IGF2R: variants seen among roughly 807,000 people sequenced by gnomAD.
IGF2R encodes the protein insulin like growth factor 2 receptor, also known as cation-independent mannose-6-phosphate receptor.
IGF2R carries 91 observed loss-of-function variants against 270.6 expected under a neutral mutation model. That is an observed-to-expected ratio of 0.34 (90% CI 0.28 to 0.40). The LOEUF is 0.40. Ranked by LOEUF, IGF2R falls within the 10% of genes least tolerant of loss-of-function variation. The pLI is 1.00. For missense variants in IGF2R, 2,805 were observed against 3,188.3 expected (o/e 0.88, Z 2.90); for synonymous variants, 1,316 against 1,258.9 (o/e 1.05, Z -0.96).
In IGF2R at chr6:160,064,488, G is replaced by A. The variant is rs751103307; in HGVS notation, c.3974G>A (p.Arg1325His). The stretch of plus-strand genomic sequence containing the variant: ...GACACTTGCCATAAGGTTTATCAGC[G>A]CTCCACAGCCATCTTCTTCTACTGT... ...GGDTCHKVYQ[R>H]STAIFFYCDR... Residue 1325 changes from arginine (R) to histidine (H), a missense_variant, in exon 28 of 48, where the codon CGC becomes CAC. By Grantham distance (29) the Arg-to-His change is conservative. Transcript: ENST00000356956. 2.4e-5 allele frequency: 38 copies of A among 1,613,972 alleles called. 1 individual carries two copies. Among genetic ancestry groups the A allele is most frequent in the South Asian group, 1.6e-4 (15 of 91,080 alleles).
intron 44 of IGF2R, among the ~76,000 whole-genome samples, chr6:160,091,071 C>T (rs1318525999): frequency 4.6e-5 from 5 of 108,478 alleles, no homozygotes; most frequent in Admixed American, 1.1e-4. Flanking sequence ...TGCCCTGGTG[C>T]GGCTGAGAAG....
intron 42 of IGF2R, 71 bp downstream of exon 42, chr6:160,088,218 T>C (rs948722571): frequency 4.6e-5 from 47 of 1,032,728 alleles, no homozygotes; most frequent in Non-Finnish European, 7.2e-5. Flanking sequence ...CTTGGGGTTT[T>C]CATGGGCAGG....
intron 4 of IGF2R, among the ~76,000 whole-genome samples, chr6:160,021,439 G>C (rs1777431717): frequency 8.8e-6 from 1 of 114,084 alleles, no homozygotes; most frequent in Admixed American, 1.2e-4. Flanking sequence ...ACCTGGGACT[G>C]TTGTGGGGTG....
intron 29 of IGF2R, among the ~76,000 whole-genome samples, chr6:160,066,261 C>T (rs752223744): frequency 3.3e-4 from 50 of 151,952 alleles, no homozygotes; most frequent in Non-Finnish European, 6.3e-4. Flanking sequence ...GTGATTCGCC[C>T]GCCTTGGCCT....
chr6:160,090,484 AT>A (rs1779195943), intron 44 of IGF2R: 1 of 155,158 alleles, frequency 6.4e-6, no homozygotes, highest in African/African-American at 2.4e-5. Context: ...GAGATTTTAT[AT>A]TTGTAAGAAG....
rs147546122 is a variant in IGF2R at position 160,079,563 on chromosome 6, G to T, written c.5479-17G>T. The T allele has an allele frequency of 1.5e-3, 2,076 of 1,410,196 alleles. 32 individuals carry two copies. In the African/African-American group the frequency reaches 0.027, roughly 19 times the overall value. The allele number at this position is 1,410,196 out of a possible 1,614,324, so 87.4% of individuals were successfully genotyped here. ...GTGCTGCCACTCTGCTGACGGCCAC[G>T]CATGGTTTTTGTCCAGGTGACTCGC... On this transcript the variant is annotated splice_polypyrimidine_tract_variant and intron_variant, in intron 37 of 47. Coordinates refer to ENST00000356956, the MANE Select transcript of IGF2R (RefSeq NM_000876.4).
chr6:160,022,323 A>T (rs756741228), intron 4 of IGF2R, among the ~76,000 whole-genome samples: 1 of 152,204 alleles, frequency 6.6e-6, no homozygotes, highest in African/African-American at 2.4e-5. Context: ...TGCTGGTTAC[A>T]CTAAAAGCAC....
intron 45 of IGF2R, among the ~76,000 whole-genome samples, chr6:160,101,731 C>A (rs1048107769): frequency 6.6e-6 from 1 of 152,270 alleles, no homozygotes; most frequent in East Asian, 1.9e-4. Context: ...CAAGTCGTTA[C>A]ACTCTTGAGT....
chr6:160,017,260 A>G (rs1777324676), intron 4 of IGF2R, among the ~76,000 whole-genome samples: 1 of 152,230 alleles, frequency 6.6e-6, no homozygotes, highest in African/African-American at 2.4e-5. Context: ...TAGACGAAGC[A>G]GAAGGAAGAA....
chr6:160,045,241 T>C (rs1221537189), intron 13 of IGF2R, among the ~76,000 whole-genome samples: 1 of 152,232 alleles, frequency 6.6e-6, no homozygotes, highest in East Asian at 1.9e-4. Flanking sequence ...TAATAGCGCG[T>C]TTCCAGTGTT....
At position 160,089,304 on chromosome 6, in the gene IGF2R, C is replaced by G. The variant is rs1458160124; in HGVS notation, c.6467+51C>G. On this transcript the variant is annotated intron_variant, in intron 43 of 47. Coordinates refer to ENST00000356956, the MANE Select transcript of IGF2R (RefSeq NM_000876.4). The stretch of plus-strand genomic sequence containing the variant: ...CTGTGAAATGTGTTCAAAATTAAAC[C>G]AGCAATGCCGCTCTTTCCCTATCGG... The G allele has an allele frequency of 3.3e-6, 5 of 1,520,778 alleles. No individual in the cohort carries two copies. The African/African-American group carries it at 6.9e-5, about 21-fold the overall frequency. 94.2% of individuals were successfully genotyped at this position (1,520,778 alleles called of 1,614,324 possible).
rs778714563 is a variant in IGF2R, at chr6:160,078,377, C to T, written c.5478+15C>T. The T allele has an allele frequency of 6.2e-7, 1 of 1,610,024 alleles. No individual in the cohort carries two copies. Reference sequence around the variant, plus strand: ...GCACCTTTAAGGTAATGCGTTCACCCTGGGCGTTGCTGGTGCAGGTGTACC... The same window carrying T: ...GCACCTTTAAGGTAATGCGTTCACCTTGGGCGTTGCTGGTGCAGGTGTACC... On this transcript the variant is annotated intron_variant, in intron 37 of 47. Coordinates refer to ENST00000356956, the MANE Select transcript of IGF2R (RefSeq NM_000876.4).
intron 19 of IGF2R, 98 bp from the exon 20 acceptor site, chr6:160,056,326 C>A: frequency 1.3e-6 from 1 of 789,376 alleles, no homozygotes; most frequent in Non-Finnish European, 2.3e-6. Flanking sequence ...AAACATCTAG[C>A]AGATTTTGGC....
At chr6:160,094,075 C>T (rs2114735258) in intron 44 of IGF2R, 1 of 520,770 alleles carries the variant, frequency 1.9e-6, no homozygotes, top group African/African-American at 1.9e-5. Context: ...ACCAGCCCTA[C>T]CTCCACCCCA....
intron 6 of IGF2R, 98 bp from the exon 7 acceptor site, chr6:160,029,452 T>G: frequency 1.5e-6 from 1 of 682,656 alleles, no homozygotes; most frequent in Non-Finnish European, 2.7e-6. Flanking sequence ...TACCCTCTCC[T>G]CCCCCCCAAG....
intron 43 of IGF2R, 111 bp from the exon 44 acceptor site, chr6:160,089,805 A>G (rs1351637138): frequency 7.5e-6 from 5 of 663,654 alleles, no homozygotes; most frequent in African/African-American, 1.9e-5. Flanking sequence ...TCCTTTCCCT[A>G]GGAAAGGAAG....
chr6:160,064,442 A>G lies in IGF2R; in HGVS notation c.3928A>G (p.Lys1310Glu). The G allele has an allele frequency of 2.5e-6, 4 of 1,614,190 alleles. No homozygotes were observed. The highest frequency in any genetic ancestry group is 3.4e-6 in the Non-Finnish European group (4 of 1,180,022). Residue 1310 changes from lysine (K) to glutamate (E), a missense_variant, in exon 28 of 48, where the codon AAA (lysine) becomes GAA (glutamate). Lys to Glu is a moderately conservative substitution (Grantham distance 56). Coordinates refer to ENST00000356956, the MANE Select transcript of IGF2R (RefSeq NM_000876.4). ...GCTAACTTATGAAAATGGCTTGTTA[A>G]AAATGAACTTCACGGGGGGGGACAC... Reference protein sequence around the residue: ...QKLTYENGLLKMNFTGGDTCH... With the variant: ...QKLTYENGLLEMNFTGGDTCH...
chr6:160,034,143 A>G (rs1199784141), intron 9 of IGF2R, among the ~76,000 whole-genome samples: 1 of 152,258 alleles, frequency 6.6e-6, no homozygotes, highest in African/African-American at 2.4e-5. Flanking sequence ...TACGAAATCT[A>G]AAAGTGAGAA....
At chr6:160,010,146 G>A (rs1219483078) in intron 3 of IGF2R, among the ~76,000 whole-genome samples, 1 of 152,212 alleles carries the variant, frequency 6.6e-6, no homozygotes, top group Non-Finnish European at 1.5e-5. Flanking sequence ...GCACGTGGGA[G>A]TGAAGAGGCC....
Sources: allele counts gnomAD v4.1 joint callset (sites outside exome capture counted in the v4.1 genomes callset), GRCh38; gene constraint gnomAD v4.1.1; transcripts MANE v1.5; gene names NCBI Gene and HGNC (gene_info 2026-07-23, HGNC 2026-07-21).